Variants in ADGRL3 observed in about 807,000 individuals in gnomAD.
ADGRL3 encodes calcium-independent alpha-latrotoxin receptor 3.
ADGRL3 carries 62 observed loss-of-function variants against 153.5 expected under a neutral mutation model. That is an observed-to-expected ratio of 0.40 (90% CI 0.33 to 0.50). The LOEUF (loss-of-function observed/expected upper bound fraction) is 0.50, where lower values mean the gene tolerates loss of function less well. Ranked by LOEUF, ADGRL3 falls within the 20% of genes least tolerant of loss-of-function variation. The pLI is 0.47. For missense variants in ADGRL3, 1,641 were observed against 1,859.4 expected, an observed-to-expected ratio of 0.88 and a Z score of 2.16; for synonymous variants, 710 against 672.5, an observed-to-expected ratio of 1.06 and a Z score of -0.86.
At chr4:61,259,513 C>T (rs1043482170) in intron 1 of ADGRL3, among the ~76,000 whole-genome samples, 1 of 152,058 alleles carries the variant, frequency 6.6e-6, no homozygotes, top group South Asian at 2.1e-4. Flanking sequence ...CAGTATTGGT[C>T]AGGCTTCTTC....
chr4:61,857,643 TTTTC>T (rs1426540552), intron 9 of ADGRL3, among the ~76,000 whole-genome samples: 1 of 151,492 alleles, frequency 6.6e-6, no homozygotes, highest in Non-Finnish European at 1.5e-5. Flanking sequence ...TTTTCTGTCT[TTTTC>T]CTTCCTTCCT....
chr4:62,009,168 A>C (rs966290239), intron 21 of ADGRL3, among the ~76,000 whole-genome samples: 1 of 152,188 alleles, frequency 6.6e-6, no homozygotes, highest in Non-Finnish European at 1.5e-5. Context: ...TAGAAAAGGC[A>C]ACTGTCGAAA....
At chr4:61,688,402 C>T (rs950911347) in intron 6 of ADGRL3, among the ~76,000 whole-genome samples, 1 of 152,024 alleles carries the variant, frequency 6.6e-6, no homozygotes, top group African/African-American at 2.4e-5. Context: ...TCTAGTTTTG[C>T]CAGTTACTAG....
intron 13 of ADGRL3, among the ~76,000 whole-genome samples, chr4:61,916,853 T>C (rs2098747230): frequency 6.6e-6 from 1 of 151,884 alleles, no homozygotes; most frequent in Non-Finnish European, 1.5e-5. Flanking sequence ...CTCAGAAGGC[T>C]GAGGCAGGAG....
intron 2 of ADGRL3, among the ~76,000 whole-genome samples, chr4:61,425,818 TC>T (rs1213724578): frequency 1.3e-5 from 2 of 152,136 alleles, no homozygotes; most frequent in Non-Finnish European, 2.9e-5. Context: ...CAGTAGGCCC[TC>T]CCCCCTGGGG....
rs2088462 is a variant in ADGRL3, at chr4:61,647,009, G to A, written c.474-29817G>A. On this transcript the variant is annotated intron_variant, in intron 5 of 26. Transcript: ENST00000683033. The stretch of plus-strand genomic sequence containing the variant: ...CGTTTTTTAAGCCGGTAGGAAAAGC[G>A]CAGTCTTCGGGTGGGAGTCACTCGA... 3.3e-5 allele frequency among the ~76,000 whole-genome samples: 5 copies of A among 152,032 alleles called. No individual in the cohort carries two copies. The South Asian group carries it at 6.2e-4, about 19-fold the overall frequency.
chr4:61,973,802 T>C (rs1010805959), intron 17 of ADGRL3, among the ~76,000 whole-genome samples: 12 of 152,226 alleles, frequency 7.9e-5, no homozygotes, highest in Admixed American at 1.3e-4. Flanking sequence ...CTACGTTATT[T>C]GTCTTTTTGT....
intron 4 of ADGRL3, among the ~76,000 whole-genome samples, chr4:61,572,293 T>G (rs1412694437): frequency 6.6e-6 from 1 of 152,116 alleles, no homozygotes; most frequent in African/African-American, 2.4e-5. Context: ...TCAAGGGACC[T>G]CAAGTACTGA....
chr4:62,049,665 C>G (rs1733072427), intron 25 of ADGRL3, among the ~76,000 whole-genome samples: 1 of 152,102 alleles, frequency 6.6e-6, no homozygotes. Context: ...TTACTACCTA[C>G]TGAAAAGTGA....
intron 4 of ADGRL3, among the ~76,000 whole-genome samples, chr4:61,536,175 T>C (rs776980533): frequency 9.2e-5 from 14 of 152,112 alleles, no homozygotes; most frequent in Non-Finnish European, 1.9e-4. Flanking sequence ...TTAGTTTCCA[T>C]GTACTTGTGT....
chr4:61,607,593 C>CCAAA lies in ADGRL3; in HGVS notation c.473+20174_473+20177dup, dbSNP rs553600772. Among the ~76,000 whole-genome samples, 296 of 152,048 alleles carry CCAAA rather than the reference C, an allele frequency of 1.9e-3. 3 individuals are homozygous for CCAAA. Among genetic ancestry groups the CCAAA allele is most frequent in the African/African-American group, 6.4e-3 (264 of 41,496 alleles). ...CCAGCCTGGGTGACAGAGGTTCCAC[C>CCAAA]CAAACAAACAAACAAACAAACAAAA... On this transcript the variant is annotated intron_variant, in intron 5 of 26. Transcript: ENST00000683033.
In ADGRL3 at chr4:62,075,739, A is replaced by G. The variant is rs1404853554; in HGVS notation, c.*4831A>G. On this transcript the variant is annotated 3_prime_UTR_variant, in exon 27 of 27. Transcript: ENST00000683033. ...ACATTGCACAATAGCTTATGGAAGC[A>G]TTTTTGTGCGAATGGATTTTACATA... 6.6e-6 allele frequency: 1 copy of G among 151,986 alleles called. No homozygotes were observed. Among genetic ancestry groups the G allele is most frequent in the African/African-American group, 2.4e-5 (1 of 41,388 alleles). 9.4% of individuals were successfully genotyped at this position (151,986 alleles called of 1,614,324 possible). A position where few individuals can be genotyped will look rare whatever the true frequency, so the allele number is the denominator to read the frequency against.
In ADGRL3 at chr4:62,070,411, G is replaced by T. The variant is rs1745231370; in HGVS notation, c.4135G>T (p.Asp1379Tyr). The change falls in exon 27 of 27, where the codon GAT (aspartate) becomes TAT (tyrosine). Residue 1379 changes from aspartate to tyrosine, a missense_variant. Asp to Tyr is a radical substitution (Grantham distance 160). This residue lies in a region of ADGRL3 where 517 missense variants were observed against 555.0 expected (regional missense o/e 0.93). Transcript: ENST00000683033. ...AAGGGAAGATGATGCCATTGTCCTG[G>T]ATGATGCCACCTCGTTTAACCACGA... ...SGREDDAIVLDDATSFNHEES... is the reference protein window; with the variant it reads ...SGREDDAIVLYDATSFNHEES... 1 of 1,551,922 alleles carries T rather than the reference G, an allele frequency of 6.4e-7. No homozygotes were observed. Among genetic ancestry groups the T allele is most frequent in the Middle Eastern group, 1.7e-4 (1 of 5,998 alleles).
At chr4:61,798,999 GTATA>G (rs34782885) in intron 8 of ADGRL3, among the ~76,000 whole-genome samples, 6,418 of 80,526 alleles carry the variant, frequency 0.08, 276 homozygotes, top group South Asian at 0.12. Flanking sequence ...TATATAAACA[GTATA>G]TATATATATA....
intron 1 of ADGRL3, among the ~76,000 whole-genome samples, chr4:61,293,546 A>G (rs1280012799): frequency 6.6e-6 from 1 of 152,194 alleles, no homozygotes; most frequent in Non-Finnish European, 1.5e-5. Flanking sequence ...TAGTTATGAT[A>G]TACACAACTG....
chr4:62,006,011 T>C (rs1285954404), intron 21 of ADGRL3, among the ~76,000 whole-genome samples: 92 of 78,162 alleles, frequency 1.2e-3, no homozygotes, highest in African/African-American at 2.8e-3. Flanking sequence ...CACATATATA[T>C]ATATATATAT....
chr4:62,036,440 C>A (rs543765727), intron 23 of ADGRL3, among the ~76,000 whole-genome samples: 2 of 152,138 alleles, frequency 1.3e-5, no homozygotes, highest in South Asian at 2.1e-4. Flanking sequence ...CTATCTCTAT[C>A]ATTTTTCTTA....
intron 21 of ADGRL3, among the ~76,000 whole-genome samples, chr4:62,007,343 G>C (rs1158978036): frequency 1.4e-5 from 1 of 70,398 alleles, no homozygotes; most frequent in Non-Finnish European, 2.9e-5. Flanking sequence ...CTCAGGGCAA[G>C]AGGACAAAAT....
intron 2 of ADGRL3, among the ~76,000 whole-genome samples, chr4:61,415,007 G>T (rs1386357710): frequency 1.3e-5 from 2 of 151,786 alleles, no homozygotes; most frequent in African/African-American, 2.4e-5. Flanking sequence ...ACTATATTGT[G>T]TCTAAATGAA....
Sources: gnomAD v4.1 joint callset for allele counts (sites outside exome capture counted in the v4.1 genomes callset) on GRCh38, gnomAD v4.1.1 for gene constraint, gnomAD v4.1.1 regional missense constraint, MANE v1.5 for transcripts, NCBI Gene and HGNC (gene_info 2026-07-23, HGNC 2026-07-21) for gene names.